The following TECPR1 variants were observed in gnomAD, a reference collection of about 807,000 sequenced individuals.
TECPR1 encodes tectonin beta-propeller repeat-containing protein 1.
TECPR1 carries 122 observed loss-of-function variants against 162.4 expected under a neutral mutation model. The ratio of observed to expected loss-of-function variants is 0.75; its 90% CI spans 0.65 to 0.87. The LOEUF is 0.87. Ranked by LOEUF, TECPR1 falls within the 40% of genes least tolerant of loss-of-function variation. The pLI is 0.00. For synonymous variants in TECPR1, 642 were observed against 670.6 expected, an observed-to-expected ratio of 0.96 and a Z score of 0.66; for missense variants, 1,432 against 1,618.2, an observed-to-expected ratio of 0.88 and a Z score of 1.97.
chr7:98,227,995 G>A lies in TECPR1; in HGVS notation c.2513+19C>T, dbSNP rs199670230. 4.0e-4 allele frequency: 644 copies of A among 1,599,744 alleles called. 3 individuals carry two copies. Among genetic ancestry groups the A allele is most frequent in the Middle Eastern group, 8.3e-4 (5 of 6,042 alleles). On this transcript the variant is annotated intron_variant, in intron 17 of 25. Transcript: ENST00000447648. ...GCCTATGCCAGGCAGCATCCTGGCC[G>A]GGCACCTGTGCCACTTACCTGCTGG...
chr7:98,227,939 A>T, intron 17 of TECPR1, 75 bp downstream of exon 17: 1 of 1,213,326 alleles, frequency 8.2e-7, no homozygotes, highest in Non-Finnish European at 1.2e-6. Flanking sequence ...GCTACGGTGG[A>T]TGTTGCTGTC....
intron 8 of TECPR1, among the ~76,000 whole-genome samples, chr7:98,240,277 C>T (rs1798711290): frequency 6.6e-6 from 1 of 152,072 alleles, no homozygotes; most frequent in African/African-American, 2.4e-5. Flanking sequence ...AATGTTGCAG[C>T]CTATTAGGTG....
chr7:98,244,455 C>G (rs1472163736), intron 5 of TECPR1, 116 bp downstream of exon 5: 8 of 1,386,248 alleles, frequency 5.8e-6, no homozygotes, highest in Middle Eastern at 2.0e-4. Flanking sequence ...AGGCCAGGTC[C>G]CGAGGTGGGC....
At chr7:98,235,849 A>ACAAAAAAAAAAAAAAAAAAACAAC (rs1554401445) in intron 10 of TECPR1, among the ~76,000 whole-genome samples, 2 of 110,258 alleles carry the variant, frequency 1.8e-5, no homozygotes, top group African/African-American at 3.1e-5. Flanking sequence ...AAAAAAAAAA[A>ACAAAAAAAAAAAAAAAAAAACAAC]AACACCATCT....
chr7:98,233,959 G>C, intron 10 of TECPR1, 48 bp from the exon 11 acceptor site: 1 of 1,466,238 alleles, frequency 6.8e-7, no homozygotes, highest in South Asian at 1.4e-5. Flanking sequence ...AGGGGAACAG[G>C]CGCTGTCAGG....
Position 98,218,021 on chromosome 7 carries a change from C to A in TECPR1, c.3179G>T (p.Gly1060Val). ...GCCCTGCGGGTAGCTGGGCGTGATC[C>A]CTTGGCGATACCACAGGTTTCCTGG... is the stretch of plus-strand genomic sequence containing the variant. ...DENGNLWYRQ[G>V]ITPSYPQGSS... Residue 1060 changes from glycine to valine, a missense_variant, in exon 24 of 26, where the codon GGG becomes GTG. By Grantham distance (109) the Gly-to-Val change is moderately radical. Transcript: ENST00000447648. The A allele has an allele frequency of 9.6e-6, 15 of 1,566,602 alleles. No homozygotes were observed. The highest frequency in any genetic ancestry group is 1.3e-5 in the Non-Finnish European group (15 of 1,156,170).
chr7:98,228,671 TG>T (rs747038527), intron 16 of TECPR1: 26 of 224,586 alleles, frequency 1.2e-4, no homozygotes, highest in Non-Finnish European at 2.1e-4. Context: ...TTTCAGTGTC[TG>T]TTTCCGCCTT....
intron 20 of TECPR1, 31 bp from the exon 21 acceptor site, chr7:98,223,201 G>A: frequency 6.4e-7 from 1 of 1,554,820 alleles, no homozygotes; most frequent in Non-Finnish European, 8.7e-7. Flanking sequence ...ACAGCCCAGG[G>A]ACCCCAAGGT....
At chr7:98,249,689 C>A (rs547285117) in intron 2 of TECPR1, among the ~76,000 whole-genome samples, 1 of 152,304 alleles carries the variant, frequency 6.6e-6, no homozygotes, top group Admixed American at 6.5e-5. Flanking sequence ...GTGGCTCATG[C>A]CTGTAATCCC....
rs78663389 is a variant in TECPR1, at chr7:98,250,367, C to T, written c.-20+1027G>A. Among the ~76,000 whole-genome samples the T allele has an allele frequency of 1.1e-3, 172 of 151,992 alleles. 1 individual carries two copies. The highest frequency in any genetic ancestry group is 4.1e-3 in the African/African-American group (168 of 41,454). ...CAGAGGCCAGGTGCAGTAGCTCATG[C>T]CTGTAATCCCAGCCCTTTCCGGGGC... On this transcript the variant is annotated intron_variant, in intron 2 of 25. Coordinates refer to ENST00000447648, the MANE Select transcript of TECPR1 (RefSeq NM_015395.3).
Position 98,238,195 on chromosome 7 carries a change from G to A in TECPR1, c.1035+314C>T, listed in dbSNP as rs116894154. 5.4e-3 allele frequency among the ~76,000 whole-genome samples: 817 copies of A among 152,286 alleles called. 21 individuals are homozygous for A. The highest frequency in any genetic ancestry group is 0.038 in the Admixed American group (587 of 15,288). ...GGGCAAGAAGTAAGGTTTGCTAAAG[G>A]GCCTAGGTGGCCTGGCTAGGTAGGC... On this transcript the variant is annotated intron_variant, in intron 9 of 25. Transcript: ENST00000447648.
At position 98,244,980 on chromosome 7, in the gene TECPR1, G is replaced by A. The variant is rs775535598; in HGVS notation, c.313C>T (p.Pro105Ser). Residue 105 changes from proline to serine, a missense_variant, in exon 4 of 26, where the codon CCG becomes TCG. By Grantham distance (74) the Pro-to-Ser change is moderately conservative. Coordinates refer to ENST00000447648, the MANE Select transcript of TECPR1 (RefSeq NM_015395.3). The part of the protein sequence containing the change: ...WSDVSGLQHR[P>S]LDRVALPSPH... ...GAGGGCAGTGCCACCCTGTCCAGCG[G>A]CCGGTGCTGGAGCCCACTCACGTCA... 3 of 1,612,212 alleles carry A rather than the reference G, an allele frequency of 1.9e-6. No individual in the cohort carries two copies. The African/African-American group carries it at 4.0e-5, about 22-fold the overall frequency.
intron 18 of TECPR1, 40 bp downstream of exon 18, chr7:98,224,966 G>A (rs1488801090): frequency 2.0e-6 from 3 of 1,537,370 alleles, no homozygotes; most frequent in East Asian, 2.5e-5. Flanking sequence ...AGGGGTGGGA[G>A]GGCGGATTCC....
chr7:98,240,267 A>T (rs1798711040), intron 8 of TECPR1, among the ~76,000 whole-genome samples: 1 of 152,106 alleles, frequency 6.6e-6, no homozygotes, highest in South Asian at 2.1e-4. Context: ...GATTCTTCGA[A>T]ATGTTGCAGC....
chr7:98,250,600 T>C (rs548214078), intron 2 of TECPR1, among the ~76,000 whole-genome samples: 3 of 152,250 alleles, frequency 2.0e-5, no homozygotes, highest in South Asian at 2.1e-4. Context: ...ATTGTGCCAC[T>C]GCACTCCAGC....
At chr7:98,245,241 G>A in intron 3 of TECPR1, 174 bp from the exon 4 acceptor site, 1 of 669,022 alleles carries the variant, frequency 1.5e-6, no homozygotes, top group Non-Finnish European at 2.5e-6. Flanking sequence ...GGACCCCCAT[G>A]CCACTTCATC....
intron 15 of TECPR1, among the ~76,000 whole-genome samples, chr7:98,229,882 C>CCT (rs1360574138): frequency 1.3e-5 from 2 of 152,110 alleles, no homozygotes; most frequent in African/African-American, 4.8e-5. Context: ...CCCAGGGCAG[C>CCT]CTCTGTCCCA....
chr7:98,231,729 T>A, intron 13 of TECPR1, 75 bp downstream of exon 13: 2 of 1,335,112 alleles, frequency 1.5e-6, no homozygotes, highest in Non-Finnish European at 2.0e-6. Flanking sequence ...GGCACCCCCA[T>A]TTCTGTACCC....
In TECPR1 at chr7:98,221,694, C is replaced by T. The variant is rs1233317924; in HGVS notation, c.3124G>A (p.Gly1042Arg). 2 of 1,613,514 alleles carry T rather than the reference C, an allele frequency of 1.2e-6. No homozygotes were observed. The highest frequency in any genetic ancestry group is 1.3e-5 in the African/African-American group (1 of 75,004). Residue 1042 changes from glycine to arginine, a missense_variant, in exon 23 of 26, where the codon GGG (glycine) becomes AGG (arginine). By Grantham distance (125) the Gly-to-Arg change is moderately radical. Coordinates refer to ENST00000447648, the MANE Select transcript of TECPR1 (RefSeq NM_015395.3). ...PRQRLKQVSA[G>R]QTSVYALDEN... The stretch of plus-strand genomic sequence containing the variant: ...TCCAGGGCATACACCGACGTCTGCC[C>T]CGCGGACACCTGCTTCAGCCTCTGT...
Sources: gnomAD v4.1 joint callset for allele counts (sites outside exome capture counted in the v4.1 genomes callset) on GRCh38, gnomAD v4.1.1 for gene constraint, MANE v1.5 for transcripts, NCBI Gene and HGNC (gene_info 2026-07-23, HGNC 2026-07-21) for gene names.